Variants in EXOC4 observed in about 807,000 individuals in gnomAD.
EXOC4 encodes the protein SEC8-like 1.
Under a neutral mutation model 107.2 loss-of-function variants are expected in EXOC4, and 71 were observed. That is an observed-to-expected ratio of 0.66 (90% confidence interval 0.55 to 0.81). The LOEUF (loss-of-function observed/expected upper bound fraction) is 0.81. EXOC4 is among the 30% of genes least tolerant of loss of function. EXOC4 has a pLI of 0.00. For missense variants in EXOC4, 1,108 were observed against 1,189.6 expected, an observed-to-expected ratio of 0.93 and a Z score of 1.01; for synonymous variants, 456 against 441.2, an observed-to-expected ratio of 1.03 and a Z score of -0.42.
chr7:133,973,228 G>A (rs907541915), intron 14 of EXOC4, among the ~76,000 whole-genome samples: 6 of 152,034 alleles, frequency 3.9e-5, no homozygotes, highest in South Asian at 2.1e-4. Context: ...ATGATTCGGC[G>A]ACCATGGAAA....
intron 7 of EXOC4, among the ~76,000 whole-genome samples, chr7:133,458,592 G>A (rs1449497696): frequency 1.3e-5 from 2 of 152,164 alleles, no homozygotes; most frequent in Non-Finnish European, 2.9e-5. Flanking sequence ...TCTCTGTAAA[G>A]GCATTTCACT....
Position 134,051,504 on chromosome 7 carries a change from C to G in EXOC4, c.2688-12787C>G, listed in dbSNP as rs537898651. ...TGGCCAAGATGGTGAAACCCTGTCTCTACTAAAAATACAAAAAATTAGCTG... is the reference window on the plus strand; with the variant it reads ...TGGCCAAGATGGTGAAACCCTGTCTGTACTAAAAATACAAAAAATTAGCTG... On this transcript the variant is annotated intron_variant, in intron 17 of 17. Coordinates refer to ENST00000253861, the MANE Select transcript of EXOC4 (RefSeq NM_021807.4). Among the ~76,000 whole-genome samples, 44 of 151,946 alleles carry G rather than the reference C, an allele frequency of 2.9e-4. No homozygotes were observed. The South Asian group carries it at 8.9e-3, about 31-fold the overall frequency.
chr7:133,678,141 C>G (rs1356696770), intron 10 of EXOC4, among the ~76,000 whole-genome samples: 1 of 152,104 alleles, frequency 6.6e-6, no homozygotes, highest in Non-Finnish European at 1.5e-5. Flanking sequence ...TGTTAAAACA[C>G]AAATAGCCTT....
intron 11 of EXOC4, among the ~76,000 whole-genome samples, chr7:133,827,305 A>T (rs1563016767): frequency 6.6e-6 from 1 of 152,172 alleles, no homozygotes; most frequent in Non-Finnish European, 1.5e-5. Context: ...CCATTATATG[A>T]TCAAATTGAA....
intron 10 of EXOC4, among the ~76,000 whole-genome samples, chr7:133,781,669 T>A (rs927343908): frequency 6.6e-6 from 1 of 152,212 alleles, no homozygotes; most frequent in African/African-American, 2.4e-5. Flanking sequence ...GAGATTGATA[T>A]GTCCCCAGAG....
At chr7:133,733,997 T>A (rs1242714522) in intron 10 of EXOC4, among the ~76,000 whole-genome samples, 3 of 152,224 alleles carry the variant, frequency 2.0e-5, no homozygotes, top group Non-Finnish European at 2.9e-5. Context: ...TTAACAACTT[T>A]TTAAAAGGGC....
chr7:133,372,995 A>G (rs957552405), intron 6 of EXOC4, among the ~76,000 whole-genome samples: 7 of 152,238 alleles, frequency 4.6e-5, no homozygotes, highest in South Asian at 2.1e-4. Flanking sequence ...ATACTTTGCT[A>G]TCTACCACTC....
At chr7:134,041,950 G>T (rs1795529672) in intron 17 of EXOC4, among the ~76,000 whole-genome samples, 1 of 152,168 alleles carries the variant, frequency 6.6e-6, no homozygotes, top group Admixed American at 6.5e-5. Flanking sequence ...TGAGCCAGCT[G>T]TGTTACATTC....
chr7:133,697,510 C>T (rs1323413761), intron 10 of EXOC4, among the ~76,000 whole-genome samples: 1 of 152,090 alleles, frequency 6.6e-6, no homozygotes, highest in African/African-American at 2.4e-5. Context: ...AACTCCAGAG[C>T]TCATATTCTT....
At chr7:133,909,305 A>G (rs1219140488) in intron 12 of EXOC4, among the ~76,000 whole-genome samples, 2 of 152,204 alleles carry the variant, frequency 1.3e-5, no homozygotes, top group African/African-American at 4.8e-5. Context: ...GGAGCTAGAT[A>G]ATAATCAAGT....
intron 9 of EXOC4, among the ~76,000 whole-genome samples, chr7:133,522,469 A>G (rs1476556199): frequency 6.6e-6 from 1 of 152,158 alleles, no homozygotes; most frequent in Admixed American, 6.5e-5. Flanking sequence ...GAAGTCATTC[A>G]TTTTGTATGG....
intron 11 of EXOC4, among the ~76,000 whole-genome samples, chr7:133,850,002 C>T (rs1196477172): frequency 6.6e-6 from 1 of 152,090 alleles, no homozygotes; most frequent in East Asian, 1.9e-4. Flanking sequence ...TTATTCATGG[C>T]CATAATGTTC....
At chr7:133,264,514 GAAAT>G (rs765851213) in intron 1 of EXOC4, among the ~76,000 whole-genome samples, 2 of 152,140 alleles carry the variant, frequency 1.3e-5, no homozygotes, top group Non-Finnish European at 2.9e-5. Flanking sequence ...ACATAATTAA[GAAAT>G]AAGCAATCAC....
chr7:133,330,876 A>G (rs945073785), intron 5 of EXOC4, among the ~76,000 whole-genome samples: 1 of 151,354 alleles, frequency 6.6e-6, no homozygotes, highest in Non-Finnish European at 1.5e-5. Flanking sequence ...TGGGAGCTGC[A>G]AACCGGAGCT....
chr7:133,816,931 G>T (rs1370147277), intron 10 of EXOC4, among the ~76,000 whole-genome samples: 2 of 152,170 alleles, frequency 1.3e-5, no homozygotes, highest in South Asian at 2.1e-4. Flanking sequence ...CGCCCGGTGT[G>T]GGGGTAGGGG....
At chr7:134,002,947 G>A (rs1385209215) in intron 15 of EXOC4, among the ~76,000 whole-genome samples, 1 of 152,104 alleles carries the variant, frequency 6.6e-6, no homozygotes, top group Admixed American at 6.6e-5. Flanking sequence ...CTTACCATAA[G>A]TGAGATCTAG....
chr7:133,793,497 T>C (rs1049144772), intron 10 of EXOC4, among the ~76,000 whole-genome samples: 4 of 152,172 alleles, frequency 2.6e-5, no homozygotes, highest in Non-Finnish European at 4.4e-5. Flanking sequence ...TGATGAGCTT[T>C]CACATTTGTT....
chr7:133,877,089 T>C (rs1285233694), intron 11 of EXOC4, among the ~76,000 whole-genome samples: 6 of 152,142 alleles, frequency 3.9e-5, no homozygotes, highest in African/African-American at 1.4e-4. Flanking sequence ...TCTCCTATTT[T>C]TTTTTTAATC....
At chr7:133,795,825 G>T (rs967481332) in intron 10 of EXOC4, among the ~76,000 whole-genome samples, 3 of 151,982 alleles carry the variant, frequency 2.0e-5, no homozygotes, top group Non-Finnish European at 4.4e-5. Context: ...ATATTTGGGG[G>T]TATTAATTTC....
Sources: allele counts gnomAD v4.1 joint callset (sites outside exome capture counted in the v4.1 genomes callset), GRCh38; gene constraint gnomAD v4.1.1; transcripts MANE v1.5; gene names NCBI Gene and HGNC (gene_info 2026-07-23, HGNC 2026-07-21).